The following SNX25 variants were observed in gnomAD, a reference collection of about 807,000 sequenced individuals.
The protein encoded by SNX25 is sorting nexin 25, also known as sorting nexin-25.
SNX25 carries 62 observed loss-of-function variants against 113.7 expected under a neutral mutation model. The observed-to-expected ratio is 0.55, with a 90% CI of 0.44 to 0.67. The LOEUF (loss-of-function observed/expected upper bound fraction) is 0.67, where lower values mean the gene tolerates loss of function less well. Ranked by LOEUF, SNX25 falls within the 30% of genes least tolerant of loss-of-function variation. The probability of loss-of-function intolerance (pLI) is 0.00; values close to 1 mark genes in which losing one functional copy is unlikely to be tolerated. For synonymous variants in SNX25, 421 were observed against 436.2 expected, an observed-to-expected ratio of 0.97 and a Z score of 0.43; for missense variants, 1,014 against 1,161.0, an observed-to-expected ratio of 0.87 and a Z score of 1.84.
intron 5 of SNX25, 57 bp downstream of exon 5, chr4:185,267,212 G>T: frequency 5.6e-6 from 8 of 1,416,652 alleles, no homozygotes; most frequent in Admixed American, 2.3e-5. Context: ...CCCCTGCCTA[G>T]TTAGGTTAAA....
chr4:185,341,813 G>A (rs1374932278), intron 11 of SNX25, among the ~76,000 whole-genome samples, 163 bp from the exon 12 acceptor site: 2 of 152,078 alleles, frequency 1.3e-5, no homozygotes, highest in Admixed American at 1.3e-4. Context: ...GCCATATAAT[G>A]TATCTTAGTT....
chr4:185,362,088 T>G lies in SNX25; in HGVS notation c.2816T>G (p.Leu939Arg), dbSNP rs1483047358. 6.2e-7 allele frequency: 1 copy of G among 1,613,218 alleles called. No individual in the cohort carries two copies. Among genetic ancestry groups the G allele is most frequent in the Admixed American group, 1.7e-5 (1 of 59,946 alleles). ...QETKQRAQQKLLENIPDMLQS... is the reference protein window; with the variant it reads ...QETKQRAQQKRLENIPDMLQS... The stretch of plus-strand genomic sequence containing the variant: ...ACAAAACAGAGAGCACAGCAAAAGC[T>G]GCTTGAAAACATTCCAGGTGAGGCC... Residue 939 changes from leucine (L) to arginine (R), a missense_variant, in exon 17 of 19, where the codon CTG (leucine) becomes CGG (arginine). By Grantham distance (102) the Leu-to-Arg change is moderately radical. Coordinates refer to ENST00000652585, the MANE Select transcript of SNX25 (RefSeq NM_001378034.2).
At chr4:185,293,551 A>G (rs965419784) in intron 6 of SNX25, among the ~76,000 whole-genome samples, 8 of 152,228 alleles carry the variant, frequency 5.3e-5, no homozygotes, top group African/African-American at 1.4e-4. Context: ...AGGCAAACCT[A>G]TAGACAGAAA....
At position 185,351,596 on chromosome 4, in the gene SNX25, T is replaced by G. The variant is rs1031567669; in HGVS notation, c.2453T>G (p.Phe818Cys). The G allele has an allele frequency of 6.2e-7, 1 of 1,613,984 alleles. No homozygotes were observed. The highest frequency in any genetic ancestry group is 8.5e-7 in the Non-Finnish European group (1 of 1,179,956). Residue 818 changes from phenylalanine (F) to cysteine (C), a missense_variant, in exon 14 of 19, where the codon TTC becomes TGC. Phe to Cys is a radical substitution (Grantham distance 205). Coordinates refer to ENST00000652585, the MANE Select transcript of SNX25 (RefSeq NM_001378034.2). ...TTGGAAAGACTTCCTCGCGACTTCT[T>G]CTCCCACCAGGAGGTGAGCCGTTGA... is the stretch of plus-strand genomic sequence containing the variant. ...SFLERLPRDF[F>C]SHQEEETEED...
intron 17 of SNX25, 111 bp from the exon 18 acceptor site, chr4:185,362,500 C>A: frequency 8.5e-7 from 1 of 1,182,580 alleles, no homozygotes; most frequent in South Asian, 1.9e-5. Context: ...GTTTCTCATG[C>A]CTCCATGTGT....
At chr4:185,306,528 GT>G (rs1362984629) in intron 6 of SNX25, among the ~76,000 whole-genome samples, 1 of 152,168 alleles carries the variant, frequency 6.6e-6, no homozygotes, top group Non-Finnish European at 1.5e-5. Flanking sequence ...TTAGAAAGGC[GT>G]TTTAAGCTCT....
chr4:185,333,453 A>G (rs1400457914), intron 10 of SNX25, among the ~76,000 whole-genome samples: 1 of 152,212 alleles, frequency 6.6e-6, no homozygotes. Flanking sequence ...CAGGTGCCCA[A>G]TCCTATTGAG....
rs1229603312 is a variant in SNX25, at chr4:185,319,183, T to G, written c.1345-1550T>G. On this transcript the variant is annotated intron_variant, in intron 7 of 18. Transcript: ENST00000652585. The stretch of plus-strand genomic sequence containing the variant: ...TGCAGACATTTAAATACATTTTCTT[T>G]GAGAAAGTCCTTTTTTTTTTTTTTT... 5.3e-3 allele frequency among the ~76,000 whole-genome samples: 775 copies of G among 145,088 alleles called. 9 individuals are homozygous for G. The highest frequency in any genetic ancestry group is 0.018 in the African/African-American group (716 of 38,892).
At chr4:185,287,289 A>T (rs1751474621) in intron 5 of SNX25, among the ~76,000 whole-genome samples, 1 of 152,100 alleles carries the variant, frequency 6.6e-6, no homozygotes, top group South Asian at 2.1e-4. Flanking sequence ...CTCTAATCTC[A>T]TGCTTCTCAG....
chr4:185,260,015 G>A (rs185685367), intron 3 of SNX25, among the ~76,000 whole-genome samples: 3 of 152,166 alleles, frequency 2.0e-5, no homozygotes, highest in African/African-American at 7.2e-5. Flanking sequence ...CCAGCTTGCT[G>A]CCCCAGTGTT....
exon 12 of SNX25, chr4:185,370,016 C>T (rs969292696): frequency 1.6e-5 from 3 of 183,918 alleles, no homozygotes; most frequent in African/African-American, 2.4e-5. Context: ...CTAAGATGTG[C>T]ACAGCTTTTT....
chr4:185,365,046 G>C (rs1184499736), downstream of SNX25: 1 of 151,772 alleles, frequency 6.6e-6, no homozygotes, highest in Non-Finnish European at 1.5e-5. Flanking sequence ...GTGTGTAAGA[G>C]TAATGATCTG....
chr4:185,284,353 AAATAGAT>A (rs1751053981), intron 5 of SNX25, among the ~76,000 whole-genome samples: 3 of 152,216 alleles, frequency 2.0e-5, no homozygotes, highest in Admixed American at 6.5e-5. Flanking sequence ...ATGAAAGAGT[AAATAGAT>A]ACTATTATAG....
At chr4:185,311,599 C>T (rs971822218) in intron 7 of SNX25, among the ~76,000 whole-genome samples, 5 of 152,218 alleles carry the variant, frequency 3.3e-5, no homozygotes, top group Non-Finnish European at 7.4e-5. Context: ...CCAGACTCCT[C>T]TCTGTAATGT....
intron 6 of SNX25, among the ~76,000 whole-genome samples, chr4:185,293,063 C>T (rs914914360): frequency 2.6e-5 from 4 of 152,148 alleles, no homozygotes; most frequent in South Asian, 2.1e-4. Context: ...TCTTATAACT[C>T]GATAATCAAA....
At chr4:185,255,902 A>T (rs1379969501) in intron 2 of SNX25, among the ~76,000 whole-genome samples, 1 of 152,224 alleles carries the variant, frequency 6.6e-6, no homozygotes, top group Non-Finnish European at 1.5e-5. Flanking sequence ...CTGTTTTTGC[A>T]GTTTCATCTG....
At position 185,232,772 on chromosome 4, in the gene SNX25, T is replaced by C. The variant is rs1418962520; in HGVS notation, c.430-14522T>C. 6.6e-6 allele frequency among the ~76,000 whole-genome samples: 1 copy of C among 152,252 alleles called. No individual in the cohort carries two copies. The highest frequency in any genetic ancestry group is 2.4e-5 in the African/African-American group (1 of 41,460). ...TCAGTGCTATCAGCGAGAACTATTA[T>C]GACATGAGAATTCTTTTTCCAATAT... On this transcript the variant is annotated intron_variant, in intron 1 of 18. Coordinates refer to ENST00000652585, the MANE Select transcript of SNX25 (RefSeq NM_001378034.2). The surrounding 1 kb of genome is among the most constrained non-coding windows in gnomAD (Gnocchi z 4.4).
chr4:185,353,343 A>T, intron 14 of SNX25, 142 bp from the exon 15 acceptor site: 1 of 616,898 alleles, frequency 1.6e-6, no homozygotes, highest in Non-Finnish European at 2.9e-6. Flanking sequence ...TGTGTTGAAA[A>T]TGGTAGTTTC....
chr4:185,251,031 G>A (rs558611061), intron 2 of SNX25, among the ~76,000 whole-genome samples: 6 of 151,658 alleles, frequency 4.0e-5, no homozygotes, highest in East Asian at 2.0e-4. Context: ...GTCTTGCTCC[G>A]TCGCCCAGGC....
Sources: gnomAD v4.1 joint callset for allele counts (sites outside exome capture counted in the v4.1 genomes callset) on GRCh38, gnomAD v4.1.1 for gene constraint, Gnocchi (gnomAD v3.1) non-coding constraint, MANE v1.5 for transcripts, NCBI Gene and HGNC (gene_info 2026-07-23, HGNC 2026-07-21) for gene names.